PCDHGB2: variants seen among roughly 807,000 people sequenced by gnomAD.
PCDHGB2 encodes the protein protocadherin gamma subfamily B, 2.
A neutral mutation model predicts 59.3 loss-of-function variants in PCDHGB2; 55 were observed. The observed-to-expected ratio is 0.93, with a 90% confidence interval of 0.75 to 1.16. PCDHGB2 has a LOEUF of 1.16. Among genes scored for constraint, PCDHGB2 ranks in the 50% most tolerant of loss-of-function variants. PCDHGB2 has a pLI of 0.00. For synonymous variants in PCDHGB2, 516 were observed against 512.0 expected, an observed-to-expected ratio of 1.01 and a Z score of -0.11; for missense variants, 1,228 against 1,198.5, an observed-to-expected ratio of 1.02 and a Z score of -0.36.
chr5:141,398,528 C>T (rs1355149152), intron 1 of PCDHGB2: 2 of 1,613,386 alleles, frequency 1.2e-6, no homozygotes, highest in Non-Finnish European at 1.7e-6. Flanking sequence ...CCAAAATTCA[C>T]GCAAAATTCC....
chr5:141,462,393 C>A (rs1465154354), intron 1 of PCDHGB2, among the ~76,000 whole-genome samples: 4 of 152,062 alleles, frequency 2.6e-5, no homozygotes, highest in African/African-American at 9.7e-5. Flanking sequence ...GTTAACATTT[C>A]TTTTATGGCA....
intron 1 of PCDHGB2, among the ~76,000 whole-genome samples, chr5:141,386,272 C>T (rs997122540): frequency 1.3e-5 from 2 of 152,150 alleles, no homozygotes; most frequent in African/African-American, 2.4e-5. Context: ...TAACTACTTC[C>T]ATATTCTTTT....
Position 141,395,019 on chromosome 5 carries a change from C to G in PCDHGB2, c.2421+32463C>G, listed in dbSNP as rs374672662. On this transcript the variant is annotated intron_variant, in intron 1 of 3. Transcript: ENST00000522605. ...TTCCGGTGGCAGATTGGTAGGCGTG[C>G]CTGCCTCACATTTTGTGGGTGTTGA... The G allele has an allele frequency of 3.7e-6, 6 of 1,613,986 alleles. No homozygotes were observed. Among genetic ancestry groups the G allele is most frequent in the Non-Finnish European group, 5.1e-6 (6 of 1,180,016 alleles).
intron 1 of PCDHGB2, chr5:141,365,824 G>T (rs745398679): frequency 6.2e-7 from 1 of 1,613,926 alleles, no homozygotes; most frequent in African/African-American, 1.3e-5. Flanking sequence ...CATTTCAGGG[G>T]GCGCCCTTGT....
intron 2 of PCDHGB2, among the ~76,000 whole-genome samples, chr5:141,503,744 A>G (rs1310696654): frequency 2.0e-5 from 3 of 152,112 alleles, no homozygotes; most frequent in African/African-American, 4.8e-5. Context: ...GATGGTATAG[A>G]GGTCACACAT....
intron 1 of PCDHGB2, among the ~76,000 whole-genome samples, chr5:141,488,839 G>A (rs954244872): frequency 2.6e-5 from 4 of 152,206 alleles, no homozygotes; most frequent in African/African-American, 9.6e-5. Flanking sequence ...CAAGGGGGCT[G>A]AATCAACCTG....
chr5:141,372,143 G>T, intron 1 of PCDHGB2: 2 of 1,613,784 alleles, frequency 1.2e-6, no homozygotes, highest in Admixed American at 1.7e-5. Context: ...GCTCTGCAGA[G>T]CCTGGCTACC....
At chr5:141,466,022 T>C (rs1053231186) in intron 1 of PCDHGB2, among the ~76,000 whole-genome samples, 4 of 151,628 alleles carry the variant, frequency 2.6e-5, no homozygotes, top group African/African-American at 9.7e-5. Flanking sequence ...CTCGGGAGGG[T>C]GAGGCAGGAG....
At chr5:141,459,603 A>G (rs867387156) in intron 1 of PCDHGB2, among the ~76,000 whole-genome samples, 1 of 152,244 alleles carries the variant, frequency 6.6e-6, no homozygotes, top group Non-Finnish European at 1.5e-5. Flanking sequence ...AATGGGAAGT[A>G]TATGCTTAAC....
At chr5:141,506,240 G>A (rs918820495) in intron 3 of PCDHGB2, among the ~76,000 whole-genome samples, 8 of 152,184 alleles carry the variant, frequency 5.3e-5, no homozygotes, top group Middle Eastern at 3.4e-3. Flanking sequence ...CATGAGGTCA[G>A]GAGTTCGAAA....
intron 1 of PCDHGB2, among the ~76,000 whole-genome samples, chr5:141,382,424 A>G (rs1778195711): frequency 6.6e-6 from 1 of 152,232 alleles, no homozygotes; most frequent in Non-Finnish European, 1.5e-5. Flanking sequence ...TCAGTGCCCA[A>G]AAGAGTCACT....
intron 1 of PCDHGB2, chr5:141,410,304 T>C (rs1232480024): frequency 6.2e-7 from 1 of 1,614,024 alleles, no homozygotes; most frequent in Non-Finnish European, 8.5e-7. Context: ...TTAATCTCAG[T>C]GCTCTTCCTC....
Position 141,486,895 on chromosome 5 carries a change from C to T in PCDHGB2, c.2422-7912C>T, listed in dbSNP as rs1286004461. ...TCCGTCCTCGGGCCCGGCCTGGTTC[C>T]TTATGTCCCCAAGCACTGCCTCCAT... On this transcript the variant is annotated intron_variant, in intron 1 of 3. Coordinates refer to ENST00000522605, the MANE Select transcript of PCDHGB2 (RefSeq NM_018923.3). This position sits in a 1 kb window ranked among gnomAD's most constrained non-coding sequence, Gnocchi z 5.0. 3 of 1,614,134 alleles carry T rather than the reference C, an allele frequency of 1.9e-6. No homozygotes were observed. The highest frequency in any genetic ancestry group is 3.3e-5 in the Admixed American group (2 of 60,012).
At chr5:141,383,967 C>G in intron 1 of PCDHGB2, 1 of 1,613,458 alleles carries the variant, frequency 6.2e-7, no homozygotes, top group Non-Finnish European at 8.5e-7. Context: ...GTAGCTCAAT[C>G]CCTGAAGACA....
At chr5:141,394,552 G>C (rs368792885) in intron 1 of PCDHGB2, 1 of 1,614,070 alleles carries the variant, frequency 6.2e-7, no homozygotes, top group Non-Finnish European at 8.5e-7. Flanking sequence ...CTGGCGCCCC[G>C]CTCCGCAGAG....
chr5:141,462,240 A>G (rs375419703), intron 1 of PCDHGB2, among the ~76,000 whole-genome samples: 2 of 152,216 alleles, frequency 1.3e-5, no homozygotes, highest in South Asian at 4.1e-4. Context: ...GATTACAGGT[A>G]TGAGCCACCA....
chr5:141,375,266 GA>G (rs1771293151), intron 1 of PCDHGB2: 1 of 1,613,846 alleles, frequency 6.2e-7, no homozygotes. Flanking sequence ...ATTTGAATTG[GA>G]AAAATCAGTT....
chr5:141,436,877 A>G (rs2097851127), intron 1 of PCDHGB2, among the ~76,000 whole-genome samples: 1 of 152,252 alleles, frequency 6.6e-6, no homozygotes, highest in Admixed American at 6.5e-5. Flanking sequence ...AGGCCATAAA[A>G]GATGGGGGAA....
At chr5:141,508,151 C>T (rs1306467936) in intron 3 of PCDHGB2, 1 of 152,548 alleles carries the variant, frequency 6.6e-6, no homozygotes, top group Admixed American at 6.5e-5. Flanking sequence ...GGCTGAGTTT[C>T]CCTGAGTAGA....
Sources: gnomAD v4.1 joint callset for allele counts (sites outside exome capture counted in the v4.1 genomes callset) on GRCh38, gnomAD v4.1.1 for gene constraint, Gnocchi (gnomAD v3.1) non-coding constraint, MANE v1.5 for transcripts, NCBI Gene and HGNC (gene_info 2026-07-23, HGNC 2026-07-21) for gene names.